Variants in ZNF518A observed in about 807,000 individuals in gnomAD.
ZNF518A encodes zinc finger protein 518A, also known as zinc finger protein 518.
In ZNF518A, 47 loss-of-function variants were observed where a neutral mutation model predicts 102.7. That is an observed-to-expected ratio of 0.46 (90% CI 0.36 to 0.58). ZNF518A has a LOEUF of 0.58. Ranked by LOEUF, ZNF518A falls within the 20% of genes least tolerant of loss-of-function variation. The pLI is 0.00. For synonymous variants in ZNF518A, 652 were observed against 594.6 expected, an observed-to-expected ratio of 1.10 and a Z score of -1.40; for missense variants, 1,793 against 1,699.8, an observed-to-expected ratio of 1.05 and a Z score of -0.96.
At chr10:96,199,592 G>A in intron 1 of ZNF518A, 1 of 451,160 alleles carries the variant, frequency 2.2e-6, no homozygotes, top group Non-Finnish European at 4.5e-6. Flanking sequence ...GAGAGGAGGG[G>A]ATAGCAGTTT....
intron 1 of ZNF518A, among the ~76,000 whole-genome samples, chr10:96,193,992 G>A (rs782663957): frequency 6.6e-6 from 1 of 152,178 alleles, no homozygotes; most frequent in Non-Finnish European, 1.5e-5. Context: ...TGCTATTATA[G>A]TAATATATTA....
intron 1 of ZNF518A, among the ~76,000 whole-genome samples, chr10:96,181,976 A>G (rs144301498): frequency 0.014 from 2,160 of 152,260 alleles, 18 homozygotes; most frequent in Middle Eastern, 0.031. Context: ...TGAGCATGGA[A>G]TGTTCTTCCA....
intron 1 of ZNF518A, among the ~76,000 whole-genome samples, chr10:96,188,907 G>A (rs587741687): frequency 8.5e-4 from 130 of 152,224 alleles, no homozygotes; most frequent in African/African-American, 2.7e-3. Flanking sequence ...TCTAAAACCC[G>A]GAGGGAAGTC....
downstream of ZNF518A, among the ~76,000 whole-genome samples, chr10:96,167,766 A>G (rs587697257): frequency 1.3e-5 from 2 of 152,354 alleles, no homozygotes; most frequent in South Asian, 4.1e-4. Context: ...AAAATGGATC[A>G]TAGACCTAAA....
At chr10:96,203,999 A>C in exon 3 of ZNF518A, 1 of 1,464,866 alleles carries the variant, frequency 6.8e-7, no homozygotes, top group Non-Finnish European at 9.6e-7. Context: ...GGCCTATCAG[A>C]CTCTAGGATC....
At position 96,158,804 on chromosome 10, in the gene ZNF518A, G is replaced by T; in HGVS notation, c.2482G>T (p.Glu828Ter). The T allele has an allele frequency of 6.2e-7, 1 of 1,613,646 alleles. No homozygotes were observed. The highest frequency in any genetic ancestry group is 1.1e-5 in the South Asian group (1 of 91,028). The change falls in exon 6 of 6, where the codon GAA becomes TAA. Residue 828 changes from glutamate (E) to a stop codon, truncating the protein, a stop_gained. Coordinates refer to ENST00000316045, the MANE Select transcript of ZNF518A (RefSeq NM_001330736.2). LOFTEE classifies it high-confidence loss of function. ...ACACGAGAGAGAAGGCAAAATTGTT[G>T]AATCTTCGAAAGATTTCAAAGTGCA... ...QKHEREGKIV[E>*]SSKDFKVQGI...
intron 1 of ZNF518A, among the ~76,000 whole-genome samples, chr10:96,202,241 G>A (rs2083662913): frequency 6.6e-6 from 1 of 152,174 alleles, no homozygotes; most frequent in Non-Finnish European, 1.5e-5. Context: ...GTTTTGAACA[G>A]GGGGGTAACA....
chr10:96,178,192 G>T (rs2133889676), intron 1 of ZNF518A, among the ~76,000 whole-genome samples: 2 of 152,168 alleles, frequency 1.3e-5, no homozygotes, highest in African/African-American at 4.8e-5. Flanking sequence ...ACAAGTCCAT[G>T]TAGAACATCC....
Position 96,158,463 on chromosome 10 carries a change from C to G in ZNF518A, c.2141C>G (p.Ser714Cys). Residue 714 changes from serine (S) to cysteine (C), a missense_variant, in exon 6 of 6, where the codon TCT becomes TGT. Transcript: ENST00000316045. ...NDKDGTLKAKSEIEEQYVLEK... is the reference protein window; with the variant it reads ...NDKDGTLKAKCEIEEQYVLEK... ...AAAGATGGAACTTTAAAAGCAAAAT[C>G]TGAAATTGAAGAACAGTATGTTTTA... 2 of 1,612,396 alleles carry G rather than the reference C, an allele frequency of 1.2e-6. No individual in the cohort carries two copies. The highest frequency in any genetic ancestry group is 2.2e-5 in the East Asian group (1 of 44,862).
intron 3 of ZNF518A, among the ~76,000 whole-genome samples, chr10:96,153,301 C>T (rs2133691799): frequency 6.6e-6 from 1 of 152,358 alleles, no homozygotes; most frequent in East Asian, 1.9e-4. Context: ...CTGCCCCACT[C>T]AGTCTACTGA....
intron 1 of ZNF518A, among the ~76,000 whole-genome samples, chr10:96,192,628 G>A (rs2083357364): frequency 6.6e-6 from 1 of 152,118 alleles, no homozygotes; most frequent in Non-Finnish European, 1.5e-5. Flanking sequence ...TAAGCTTAGA[G>A]TTAACTTAGT....
intron 1 of ZNF518A, among the ~76,000 whole-genome samples, chr10:96,195,791 T>C (rs2083450465): frequency 6.6e-6 from 1 of 152,188 alleles, no homozygotes; most frequent in Non-Finnish European, 1.5e-5. Context: ...ATGGTAAATT[T>C]TATATGTGGT....
chr10:96,173,987 GAAC>G (rs1325786987), intron 1 of ZNF518A, among the ~76,000 whole-genome samples: 1 of 152,040 alleles, frequency 6.6e-6, no homozygotes, highest in Non-Finnish European at 1.5e-5. Context: ...TATGGCAATT[GAAC>G]AATACTCATA....
At chr10:96,153,144 A>G (rs2082531165) in intron 3 of ZNF518A, among the ~76,000 whole-genome samples, 2 of 152,254 alleles carry the variant, frequency 1.3e-5, no homozygotes, top group Non-Finnish European at 2.9e-5. Context: ...TCCTAAGGCT[A>G]GAGAGCCTGG....
rs587762341 is a variant in ZNF518A at position 96,199,192 on chromosome 10, A to C, written n.36-4382A>C. Among the ~76,000 whole-genome samples, 21 of 152,350 alleles carry C rather than the reference A, an allele frequency of 1.4e-4. No individual in the cohort carries two copies. The South Asian group carries it at 4.3e-3, about 32-fold the overall frequency. ...AAGGGTGAGGAAGAACAGTATGTAA[A>C]TGCTATATATTCTGACAAAGTGGAG... On this transcript the variant is annotated intron_variant and non_coding_transcript_variant, in intron 1 of 2. Coordinates refer to the ZNF518A transcript ENST00000442635.
intron 1 of ZNF518A, among the ~76,000 whole-genome samples, chr10:96,195,604 A>G (rs1472007583): frequency 1.3e-5 from 2 of 152,238 alleles, no homozygotes; most frequent in Non-Finnish European, 2.9e-5. Flanking sequence ...GGTATCTAAA[A>G]TATTCAAATT....
Position 96,157,551 on chromosome 10 carries a change from C to G in ZNF518A, c.1229C>G (p.Ala410Gly). The G allele has an allele frequency of 3.1e-6, 5 of 1,613,810 alleles. No individual in the cohort carries two copies. Among genetic ancestry groups the G allele is most frequent in the South Asian group, 2.2e-5 (2 of 91,072 alleles). ...QGNRAEEGPN[A>G]SSGFMKTAVL... ...AATAGAGCTGAAGAGGGACCAAACGCTAGTTCAGGTTTCATGAAGACTGCT... is the reference window on the plus strand; with the variant it reads ...AATAGAGCTGAAGAGGGACCAAACGGTAGTTCAGGTTTCATGAAGACTGCT... The change falls in exon 6 of 6, where the codon GCT (alanine) becomes GGT (glycine). Residue 410 changes from alanine (A) to glycine (G), a missense_variant. Ala to Gly is a moderately conservative substitution (Grantham distance 60, BLOSUM62 0). Around this residue, in one of 3 missense-constraint regions of ZNF518A, gnomAD observed 1,741 missense variants for 1,622.6 expected, o/e 1.07. Transcript: ENST00000316045.
intron 1 of ZNF518A, among the ~76,000 whole-genome samples, chr10:96,184,303 T>A (rs1195690114): frequency 6.6e-6 from 1 of 152,198 alleles, no homozygotes; most frequent in Non-Finnish European, 1.5e-5. Context: ...CCATTTACAT[T>A]TAAGGTTAAT....
downstream of ZNF518A, among the ~76,000 whole-genome samples, chr10:96,166,135 T>C (rs1478249215): frequency 6.6e-6 from 1 of 152,078 alleles, no homozygotes. Context: ...GGGAGGAAGT[T>C]AGTGGAGAGA....
Sources: allele counts gnomAD v4.1 joint callset (sites outside exome capture counted in the v4.1 genomes callset), GRCh38; gene constraint gnomAD v4.1.1; regional missense constraint gnomAD v4.1.1; transcripts MANE v1.5; gene names NCBI Gene and HGNC (gene_info 2026-07-23, HGNC 2026-07-21).